Variants in PLCB1 observed in about 807,000 individuals in gnomAD.
PLCB1 encodes 1-phosphatidylinositol 4,5-bisphosphate phosphodiesterase beta-1.
PLCB1 carries 46 observed loss-of-function variants against 161.8 expected under a neutral mutation model. That is an observed-to-expected ratio of 0.28 (90% CI 0.22 to 0.36). The LOEUF (loss-of-function observed/expected upper bound fraction) is 0.36. Ranked by LOEUF, PLCB1 falls within the 10% of genes least tolerant of loss-of-function variation. PLCB1 has a pLI of 1.00. For missense variants in PLCB1, 1,016 were observed against 1,472.5 expected, an observed-to-expected ratio of 0.69 and a Z score of 5.07; for synonymous variants, 517 against 503.7, an observed-to-expected ratio of 1.03 and a Z score of -0.35.
chr20:8,764,082 A>G (rs552123100), intron 25 of PLCB1, among the ~76,000 whole-genome samples: 1 of 152,190 alleles, frequency 6.6e-6, no homozygotes, highest in East Asian at 2.0e-4. Context: ...CATGAGAATC[A>G]CCTGAACCCG....
At chr20:8,435,129 T>C (rs943454499) in intron 3 of PLCB1, among the ~76,000 whole-genome samples, 3 of 152,162 alleles carry the variant, frequency 2.0e-5, no homozygotes, top group Non-Finnish European at 4.4e-5. Flanking sequence ...ACTTACAAGC[T>C]CCCCAGTGGC....
chr20:8,433,249 CTG>C (rs752362419), intron 3 of PLCB1, among the ~76,000 whole-genome samples: 40 of 152,284 alleles, frequency 2.6e-4, no homozygotes, highest in South Asian at 1.2e-3. Context: ...TTTCCAGTAA[CTG>C]TAAAGTTTTA....
chr20:8,197,509 G>T (rs1179606279), intron 2 of PLCB1, among the ~76,000 whole-genome samples: 1 of 151,588 alleles, frequency 6.6e-6, no homozygotes, highest in African/African-American at 2.4e-5. Context: ...TGATGGGGTT[G>T]TTTTTTTTCT....
intron 31 of PLCB1, among the ~76,000 whole-genome samples, chr20:8,828,656 C>T (rs1985831236): frequency 6.6e-6 from 1 of 152,180 alleles, no homozygotes; most frequent in African/African-American, 2.4e-5. Context: ...ATTGTGTCTT[C>T]TCTACCTATG....
intron 2 of PLCB1, among the ~76,000 whole-genome samples, chr20:8,335,673 A>AT (rs2122207179): frequency 6.6e-6 from 1 of 152,278 alleles, no homozygotes; most frequent in African/African-American, 2.4e-5. Context: ...GCACATTATA[A>AT]TTATTCTGTT....
At chr20:8,391,760 GAAGTATA>G (rs1987590690) in intron 3 of PLCB1, among the ~76,000 whole-genome samples, 1 of 100,944 alleles carries the variant, frequency 9.9e-6, no homozygotes, top group African/African-American at 3.9e-5. Context: ...GGTAAATAAT[GAAGTATA>G]TATATATATA....
chr20:8,320,855 G>C (rs1006196628), intron 2 of PLCB1, among the ~76,000 whole-genome samples: 1 of 149,498 alleles, frequency 6.7e-6, no homozygotes, highest in Non-Finnish European at 1.5e-5. Flanking sequence ...GGGAGGGAAA[G>C]AGAGAGAAAG....
At chr20:8,233,656 A>G (rs1455445090) in intron 2 of PLCB1, among the ~76,000 whole-genome samples, 1 of 152,114 alleles carries the variant, frequency 6.6e-6, no homozygotes, top group African/African-American at 2.4e-5. Flanking sequence ...TGATAACCAC[A>G]TTAAGAAACA....
At chr20:8,247,804 G>A (rs749010493) in intron 2 of PLCB1, among the ~76,000 whole-genome samples, 11 of 151,860 alleles carry the variant, frequency 7.2e-5, no homozygotes, top group African/African-American at 4.8e-5. Flanking sequence ...TTGTGCAGAC[G>A]TCCTTGTGTT....
intron 3 of PLCB1, among the ~76,000 whole-genome samples, chr20:8,538,373 G>A (rs571977120): frequency 6.6e-6 from 1 of 152,086 alleles, no homozygotes; most frequent in Non-Finnish European, 1.5e-5. Context: ...GGGAAACATG[G>A]TCTTGCTCTG....
intron 2 of PLCB1, among the ~76,000 whole-genome samples, chr20:8,242,378 T>C (rs887932559): frequency 6.6e-5 from 10 of 151,912 alleles, no homozygotes; most frequent in African/African-American, 2.4e-4. Flanking sequence ...GGTTCTTTTA[T>C]ATCATGGCAC....
intron 3 of PLCB1, among the ~76,000 whole-genome samples, chr20:8,373,963 A>C (rs2122353623): frequency 6.6e-6 from 1 of 152,330 alleles, no homozygotes; most frequent in Middle Eastern, 3.4e-3. Flanking sequence ...TGAAAATTTC[A>C]GCGGAATTGC....
At chr20:8,805,075 G>A (rs1984470032) in intron 31 of PLCB1, among the ~76,000 whole-genome samples, 1 of 147,852 alleles carries the variant, frequency 6.8e-6, no homozygotes, top group Non-Finnish European at 1.5e-5. Flanking sequence ...AAAGGATAAT[G>A]TTTTCTATTA....
rs534513103 is a variant in PLCB1, at chr20:8,284,475, T to C, written c.178-86907T>C. Reference sequence around the variant, plus strand: ...ATTATTGGCCAAGCACAGTGGCTCATGCCTGTGATCCCAGAGCCTTGGGAG... The same window carrying C: ...ATTATTGGCCAAGCACAGTGGCTCACGCCTGTGATCCCAGAGCCTTGGGAG... On this transcript the variant is annotated intron_variant, in intron 2 of 31. Coordinates refer to ENST00000338037, the MANE Select transcript of PLCB1 (RefSeq NM_015192.4). 3.1e-4 allele frequency among the ~76,000 whole-genome samples: 47 copies of C among 152,320 alleles called. No individual in the cohort carries two copies. In the South Asian group the frequency reaches 9.1e-3, roughly 30 times the overall value.
At chr20:8,401,173 T>TAGAAATACAAACA (rs1978532550) in intron 3 of PLCB1, among the ~76,000 whole-genome samples, 1 of 152,170 alleles carries the variant, frequency 6.6e-6, no homozygotes, top group South Asian at 2.1e-4. Context: ...TTGTGTTGTT[T>TAGAAATACAAACA]GTATTTCTAA....
At chr20:8,772,217 C>T (rs549075656) in intron 26 of PLCB1, among the ~76,000 whole-genome samples, 6 of 152,158 alleles carry the variant, frequency 3.9e-5, no homozygotes, top group African/African-American at 1.4e-4. Flanking sequence ...CTGTTTCCTA[C>T]AGATGATAAT....
chr20:8,532,989 A>G (rs1240641904), intron 3 of PLCB1, among the ~76,000 whole-genome samples: 2 of 150,986 alleles, frequency 1.3e-5, no homozygotes, highest in Non-Finnish European at 2.9e-5. Context: ...CATTAGGTAT[A>G]TCTCCTAATG....
chr20:8,431,520 G>A lies in PLCB1; in HGVS notation c.246+60070G>A, dbSNP rs116622838. 8.6e-3 allele frequency among the ~76,000 whole-genome samples: 1,309 copies of A among 152,260 alleles called. 16 individuals are homozygous for A. The highest frequency in any genetic ancestry group is 0.029 in the African/African-American group (1,222 of 41,548). On this transcript the variant is annotated intron_variant, in intron 3 of 31. Transcript: ENST00000338037. ...ATTGTTTCACATCTATTCCCAATAA[G>A]GTTTGCCACCAAAGGAGTTTGCTCT... is the stretch of plus-strand genomic sequence containing the variant.
intron 4 of PLCB1, among the ~76,000 whole-genome samples, chr20:8,639,697 T>A (rs1050648186): frequency 7.2e-5 from 11 of 152,268 alleles, no homozygotes; most frequent in African/African-American, 2.2e-4. Context: ...CTGTTGGGCC[T>A]CTGTTAGGCA....
Sources: gnomAD v4.1 joint callset for allele counts (sites outside exome capture counted in the v4.1 genomes callset) on GRCh38, gnomAD v4.1.1 for gene constraint, MANE v1.5 for transcripts, NCBI Gene and HGNC (gene_info 2026-07-23, HGNC 2026-07-21) for gene names.